B3GALT1: variants seen among roughly 807,000 people sequenced by gnomAD.
B3GALT1 encodes UDP-Gal:betaGlcNAc beta 1,3-galactosyltransferase, polypeptide 1.
A neutral mutation model predicts 23.2 loss-of-function variants in B3GALT1; 10 were observed. The observed-to-expected ratio is 0.43, with a 90% CI of 0.27 to 0.73. B3GALT1 has a LOEUF of 0.73. Among genes scored for constraint, B3GALT1 ranks in the 30% least tolerant of loss-of-function variants. The pLI is 0.21. For missense variants in B3GALT1, 299 were observed against 405.4 expected (o/e 0.74, Z 2.25); for synonymous variants, 156 against 141.5 (o/e 1.10, Z -0.73).
intron 1 of B3GALT1, among the ~76,000 whole-genome samples, chr2:167,403,744 C>T (rs550799710): frequency 2.4e-4 from 37 of 152,042 alleles, no homozygotes; most frequent in African/African-American, 7.0e-4. Flanking sequence ...CTCTATACAA[C>T]TCTATAGGGA....
intron 3 of B3GALT1, among the ~76,000 whole-genome samples, chr2:167,733,401 A>T (rs1233595230): frequency 6.6e-6 from 1 of 150,890 alleles, no homozygotes; most frequent in Non-Finnish European, 1.5e-5. Flanking sequence ...TTCTTAAAAC[A>T]TTATGAGTTT....
chr2:167,773,603 C>T (rs1258926939), intron 3 of B3GALT1, among the ~76,000 whole-genome samples: 3 of 152,220 alleles, frequency 2.0e-5, no homozygotes, highest in Non-Finnish European at 2.9e-5. Flanking sequence ...TTCAATTCTA[C>T]AAGACCCTCC....
At chr2:167,696,584 A>G (rs891707084) in intron 3 of B3GALT1, among the ~76,000 whole-genome samples, 1 of 152,166 alleles carries the variant, frequency 6.6e-6, no homozygotes, top group South Asian at 2.1e-4. Flanking sequence ...CCAATTAAGA[A>G]CAGACATGAT....
At chr2:167,709,797 G>A (rs756490186) in intron 3 of B3GALT1, among the ~76,000 whole-genome samples, 31 of 151,954 alleles carry the variant, frequency 2.0e-4, no homozygotes, top group Admixed American at 3.3e-4. Flanking sequence ...AGAACTGGGT[G>A]GAAATTCTAG....
intron 1 of B3GALT1, among the ~76,000 whole-genome samples, chr2:167,352,554 T>TAAA (rs763303379): frequency 8.8e-6 from 1 of 113,060 alleles, no homozygotes; most frequent in African/African-American, 3.2e-5. Flanking sequence ...CCGTCTCTAC[T>TAAA]AAAAAAAAAA....
intron 3 of B3GALT1, among the ~76,000 whole-genome samples, chr2:167,788,374 C>CTACAACTT (rs1688377671): frequency 1.3e-5 from 2 of 151,954 alleles, no homozygotes; most frequent in Non-Finnish European, 2.9e-5. Flanking sequence ...GGGAATCATT[C>CTACAACTT]TACAACTTGC....
At chr2:167,435,941 CCACACACACACAAA>C (rs1003822945) in intron 1 of B3GALT1, among the ~76,000 whole-genome samples, 6 of 143,940 alleles carry the variant, frequency 4.2e-5, no homozygotes, top group African/African-American at 8.4e-5. Flanking sequence ...TGTCTACCCT[CCACACACACACAAA>C]CACACACACA....
intron 1 of B3GALT1, among the ~76,000 whole-genome samples, chr2:167,304,763 G>A (rs1696524426): frequency 6.6e-6 from 1 of 152,106 alleles, no homozygotes; most frequent in Admixed American, 6.6e-5. Flanking sequence ...GTGGTTAGGG[G>A]ACCAAGAATT....
At chr2:167,517,900 CT>C (rs772974976) in intron 2 of B3GALT1, among the ~76,000 whole-genome samples, 107 of 152,158 alleles carry the variant, frequency 7.0e-4, no homozygotes, top group African/African-American at 2.5e-3. Flanking sequence ...ATTTTATGAA[CT>C]ATCCTTTTGA....
At chr2:167,533,051 G>A (rs1233680293) in intron 2 of B3GALT1, among the ~76,000 whole-genome samples, 1 of 150,766 alleles carries the variant, frequency 6.6e-6, no homozygotes, top group African/African-American at 2.4e-5. Flanking sequence ...AGTAGAGACG[G>A]GGTTTCTCTA....
chr2:167,454,212 C>T (rs201078976), intron 1 of B3GALT1, among the ~76,000 whole-genome samples: 14 of 144,564 alleles, frequency 9.7e-5, no homozygotes, highest in African/African-American at 3.1e-4. Context: ...TGTGTGTGTG[C>T]GCACGCGCGC....
intron 4 of B3GALT1, among the ~76,000 whole-genome samples, chr2:167,865,106 A>G (rs529652749): frequency 6.6e-6 from 1 of 152,274 alleles, no homozygotes; most frequent in South Asian, 2.1e-4. Context: ...GCGGAAAAGT[A>G]TCAGATAAAA....
rs373015124 is a variant in B3GALT1, at chr2:167,869,476, T to A, written c.437T>A (p.Ile146Asn). The change falls in exon 5 of 5, where the codon ATT becomes AAT. Residue 146 changes from isoleucine (I) to asparagine (N), a missense_variant. By Grantham distance (149) the Ile-to-Asn change is moderately radical. Transcript: ENST00000392690. The surrounding 1 kb of genome is among the most constrained non-coding windows in gnomAD (Gnocchi z 6.4). ...IFHDIIVEDF[I>N]DSYHNLTLKT... The stretch of plus-strand genomic sequence containing the variant: ...CATGATATCATCGTGGAGGACTTTA[T>A]TGACTCCTACCATAACCTTACCCTC... 1 of 1,614,082 alleles carries A rather than the reference T, an allele frequency of 6.2e-7. No homozygotes were observed. The highest frequency in any genetic ancestry group is 8.5e-7 in the Non-Finnish European group (1 of 1,180,014).
intron 1 of B3GALT1, among the ~76,000 whole-genome samples, chr2:167,311,468 G>A (rs961027701): frequency 1.3e-5 from 2 of 151,896 alleles, no homozygotes; most frequent in Non-Finnish European, 2.9e-5. Context: ...TTTTATTCTT[G>A]CATCTCTTTT....
chr2:167,513,187 T>C (rs1397977413), intron 2 of B3GALT1, among the ~76,000 whole-genome samples: 1 of 151,420 alleles, frequency 6.6e-6, no homozygotes, highest in East Asian at 1.9e-4. Flanking sequence ...CAGCCATGTA[T>C]AAAATAACAG....
chr2:167,392,148 G>A (rs1698022802), intron 1 of B3GALT1, among the ~76,000 whole-genome samples: 1 of 151,632 alleles, frequency 6.6e-6, no homozygotes, highest in Non-Finnish European at 1.5e-5. Flanking sequence ...AGTCCTACGA[G>A]TAAACTAGAC....
intron 1 of B3GALT1, among the ~76,000 whole-genome samples, chr2:167,456,591 T>C (rs996258072): frequency 2.6e-4 from 40 of 152,232 alleles, no homozygotes; most frequent in Admixed American, 9.2e-4. Context: ...TTATTCATAC[T>C]TCTGTCAGTC....
intron 2 of B3GALT1, among the ~76,000 whole-genome samples, chr2:167,502,057 G>T (rs546722099): frequency 2.6e-5 from 4 of 152,202 alleles, no homozygotes; most frequent in Admixed American, 2.6e-4. Flanking sequence ...AGACCATGGT[G>T]GTTCGTTCAT....
chr2:167,502,108 T>C (rs1311186556), intron 2 of B3GALT1, among the ~76,000 whole-genome samples: 1 of 152,188 alleles, frequency 6.6e-6, no homozygotes, highest in Non-Finnish European at 1.5e-5. Flanking sequence ...TGAAAGGCAC[T>C]GGACAAGCTA....
Sources: gnomAD v4.1 joint callset for allele counts (sites outside exome capture counted in the v4.1 genomes callset) on GRCh38, gnomAD v4.1.1 for gene constraint, Gnocchi (gnomAD v3.1) non-coding constraint, MANE v1.5 for transcripts, NCBI Gene and HGNC (gene_info 2026-07-23, HGNC 2026-07-21) for gene names.